The following CPNE5 variants were observed in gnomAD, a reference collection of about 807,000 sequenced individuals.
CPNE5 encodes copine 5.
A neutral mutation model predicts 81.1 loss-of-function variants in CPNE5; 42 were observed. The observed-to-expected ratio is 0.52, with a 90% confidence interval of 0.40 to 0.67. The LOEUF is 0.67. Among genes scored for constraint, CPNE5 ranks in the 30% least tolerant of loss-of-function variants. CPNE5 has a pLI of 0.00. For missense variants in CPNE5, 612 were observed against 815.5 expected (o/e 0.75, Z 3.04); for synonymous variants, 313 against 321.5 (o/e 0.97, Z 0.28).
upstream of CPNE5, chr6:36,839,701 C>A: frequency 3.3e-6 from 1 of 304,934 alleles, no homozygotes; most frequent in Non-Finnish European, 6.1e-6. The surrounding 1 kb of genome is among the most constrained non-coding windows in gnomAD (Gnocchi z 7.3). Flanking sequence ...GAGAGGGCAC[C>A]GGGAGGGAAA....
intron 6 of CPNE5, among the ~76,000 whole-genome samples, chr6:36,796,763 G>C (rs549191590): frequency 4.3e-4 from 66 of 152,218 alleles, no homozygotes; most frequent in Non-Finnish European, 4.1e-4. Flanking sequence ...ATAAATGATA[G>C]CTATTTTCAC....
intron 12 of CPNE5, among the ~76,000 whole-genome samples, chr6:36,758,973 G>A (rs1247283141): frequency 1.3e-5 from 2 of 152,256 alleles, no homozygotes; most frequent in African/African-American, 4.8e-5. Flanking sequence ...AAGTAGGCAA[G>A]CTGTTAAGAT....
At chr6:36,806,207 T>TGCTGCCC (rs1770577974) in intron 3 of CPNE5, among the ~76,000 whole-genome samples, 1 of 152,194 alleles carries the variant, frequency 6.6e-6, no homozygotes, top group Admixed American at 6.5e-5. Flanking sequence ...GGCTGCTGCC[T>TGCTGCCC]GCTGCCCGCC....
chr6:36,762,304 G>GCGCACACA lies in CPNE5; in HGVS notation c.855+612_855+613insTGTGTGCG, dbSNP rs140095486. ...CACGCACGCGCACACACACATACATGCACACACACACACACACGCATGCGC... is the reference window on the plus strand; with the variant it reads ...CACGCACGCGCACACACACATACATGCGCACACACACACACACACACACACGCATGCGC... On this transcript the variant is annotated intron_variant, in intron 12 of 20. Coordinates refer to ENST00000244751, the MANE Select transcript of CPNE5 (RefSeq NM_020939.2). Among the ~76,000 whole-genome samples the GCGCACACA allele has an allele frequency of 7.5e-5, 11 of 146,518 alleles. No individual in the cohort carries two copies. The South Asian group carries it at 1.7e-3, about 23-fold the overall frequency.
chr6:36,753,166 T>G (rs372800975), intron 13 of CPNE5, 71 bp from the exon 14 acceptor site: 55 of 1,261,058 alleles, frequency 4.4e-5, no homozygotes, highest in Admixed American at 3.8e-4. Context: ...ATTCGAGAGC[T>G]GACATTGACA....
chr6:36,751,820 T>C (rs1764862071), intron 14 of CPNE5, among the ~76,000 whole-genome samples: 1 of 151,786 alleles, frequency 6.6e-6, no homozygotes, highest in South Asian at 2.1e-4. Flanking sequence ...TAAAATAAAA[T>C]AAAATAAACA....
At chr6:36,812,880 C>T (rs78336757) in intron 3 of CPNE5, among the ~76,000 whole-genome samples, 1,688 of 152,344 alleles carry the variant, frequency 0.011, 12 homozygotes, top group Non-Finnish European at 0.017. Context: ...GCCTTGGAGT[C>T]CACCTCTTAG....
chr6:36,838,628 G>A (rs949388188), intron 1 of CPNE5: 1 of 310,686 alleles, frequency 3.2e-6, no homozygotes, highest in African/African-American at 2.3e-5. Context: ...TATTCCTTTG[G>A]CTTAAGATTT....
chr6:36,809,870 ATCC>A (rs745492728), intron 3 of CPNE5, among the ~76,000 whole-genome samples: 2 of 150,926 alleles, frequency 1.3e-5, no homozygotes, highest in Non-Finnish European at 3.0e-5. Context: ...CTTCCACCCG[ATCC>A]TCCTCCTCCT....
intron 6 of CPNE5, among the ~76,000 whole-genome samples, chr6:36,797,015 G>A (rs951031991): frequency 6.6e-6 from 1 of 152,032 alleles, no homozygotes; most frequent in Non-Finnish European, 1.5e-5. Flanking sequence ...AGTGATTCTC[G>A]TGCCTCAGCC....
chr6:36,774,734 G>T (rs767012036), intron 10 of CPNE5, among the ~76,000 whole-genome samples: 1 of 137,666 alleles, frequency 7.3e-6, no homozygotes, highest in African/African-American at 2.6e-5. Context: ...GGGAGAAGAG[G>T]ATCTGTGAGG....
intron 1 of CPNE5, among the ~76,000 whole-genome samples, chr6:36,834,280 G>GAAA (rs1773239500): frequency 1.5e-5 from 1 of 66,884 alleles, no homozygotes; most frequent in African/African-American, 6.5e-5. Flanking sequence ...AAAAAAAAAG[G>GAAA]AAGGAAGGGA....
intron 3 of CPNE5, among the ~76,000 whole-genome samples, chr6:36,811,492 A>T (rs1771099590): frequency 6.6e-6 from 1 of 152,078 alleles, no homozygotes; most frequent in African/African-American, 2.4e-5. Flanking sequence ...AAGATCCCCC[A>T]CCTGGGCAGG....
intron 10 of CPNE5, among the ~76,000 whole-genome samples, chr6:36,773,873 T>C (rs1026256719): frequency 6.6e-6 from 1 of 152,136 alleles, no homozygotes; most frequent in Admixed American, 6.5e-5. Flanking sequence ...AAATCTAGCC[T>C]GGGCAACATG....
intron 3 of CPNE5, among the ~76,000 whole-genome samples, chr6:36,805,492 G>T (rs1165794919): frequency 2.0e-5 from 3 of 152,252 alleles, no homozygotes; most frequent in African/African-American, 7.2e-5. Context: ...ATAAACAAAG[G>T]CTGAAGGATG....
At chr6:36,769,300 C>T (rs547466652) in intron 10 of CPNE5, among the ~76,000 whole-genome samples, 4 of 152,332 alleles carry the variant, frequency 2.6e-5, no homozygotes, top group South Asian at 2.1e-4. Flanking sequence ...GTGAGTCACA[C>T]AGCTGGTCAG....
chr6:36,792,997 G>A (rs1358646454), intron 7 of CPNE5, among the ~76,000 whole-genome samples: 2 of 152,074 alleles, frequency 1.3e-5, no homozygotes, highest in African/African-American at 4.8e-5. Flanking sequence ...CCTATATAAT[G>A]AGCGTGACTG....
Position 36,743,605 on chromosome 6 carries a change from G to A in CPNE5, c.1563+84C>T. Reference sequence around the variant, plus strand: ...GCCTCCCTTCTGGGCCCTTCACCAGGGAAGCCCCCAAAGGGGGTGTGAGGT... The same window carrying A: ...GCCTCCCTTCTGGGCCCTTCACCAGAGAAGCCCCCAAAGGGGGTGTGAGGT... On this transcript the variant is annotated intron_variant, in intron 20 of 20. Transcript: ENST00000244751. 3 of 1,339,232 alleles carry A rather than the reference G, an allele frequency of 2.2e-6. 1 individual carries two copies. The highest frequency in any genetic ancestry group is 1.1e-6 in the Non-Finnish European group (1 of 940,400). 83.0% of individuals were successfully genotyped at this position (1,339,232 alleles called of 1,614,324 possible).
chr6:36,786,126 T>A (rs778440075), intron 8 of CPNE5, among the ~76,000 whole-genome samples: 11 of 152,188 alleles, frequency 7.2e-5, no homozygotes, highest in Non-Finnish European at 1.2e-4. Flanking sequence ...ATTGTCTTTT[T>A]TAGTCAGAAA....
Sources: allele counts gnomAD v4.1 joint callset (sites outside exome capture counted in the v4.1 genomes callset), GRCh38; gene constraint gnomAD v4.1.1; non-coding constraint Gnocchi (gnomAD v3.1); transcripts MANE v1.5; gene names NCBI Gene and HGNC (gene_info 2026-07-23, HGNC 2026-07-21).